TENM2: variants seen among roughly 807,000 people sequenced by gnomAD.
TENM2 encodes teneurin-2.
In TENM2, 52 loss-of-function variants were observed where a neutral mutation model predicts 245.2. The ratio of observed to expected loss-of-function variants is 0.21; its 90% CI spans 0.17 to 0.27. The LOEUF (loss-of-function observed/expected upper bound fraction) is 0.27, where lower values mean the gene tolerates loss of function less well. TENM2 is among the 10% of genes least tolerant of loss of function. The probability of loss-of-function intolerance (pLI) is 1.00; values close to 1 mark genes in which losing one functional copy is unlikely to be tolerated. For missense variants in TENM2, 3,046 were observed against 3,666.8 expected, an observed-to-expected ratio of 0.83 and a Z score of 4.37; for synonymous variants, 1,363 against 1,438.9, an observed-to-expected ratio of 0.95 and a Z score of 1.19.
chr5:167,242,107 T>C, the TENM2 span, among the ~76,000 whole-genome samples: 1 of 150,608 alleles, frequency 6.6e-6, no homozygotes, highest in African/African-American at 2.5e-5. Flanking sequence ...TGCAGTGCAG[T>C]GGCATGATCT....
Position 167,659,354 on chromosome 5 carries a change from T to C in TENM2, c.503-216632T>C. Among the ~76,000 whole-genome samples, 2 of 152,198 alleles carry C rather than the reference T, an allele frequency of 1.3e-5. 1 individual carries two copies. The highest frequency in any genetic ancestry group is 3.8e-4 in the East Asian group (2 of 5,202). On this transcript the variant is annotated intron_variant, in intron 2 of 28. Coordinates refer to ENST00000518659, the Ensembl canonical transcript of TENM2. ...GCAAGGAAGCATTCCACATGTCCTT[T>C]ACAAAACATGAAATACACTTTCAAT... is the stretch of plus-strand genomic sequence containing the variant.
intron 2 of TENM2, among the ~76,000 whole-genome samples, chr5:167,589,549 A>G (rs933784504): frequency 6.6e-6 from 1 of 152,144 alleles, no homozygotes; most frequent in African/African-American, 2.4e-5. Context: ...AGAAATTAGC[A>G]TATTTTAAAA....
chr5:167,869,943 C>G (rs1772672266), intron 2 of TENM2, among the ~76,000 whole-genome samples: 1 of 151,868 alleles, frequency 6.6e-6, no homozygotes, highest in Non-Finnish European at 1.5e-5. Context: ...CTTTTTGACC[C>G]CTTCAAAAAT....
intron 5 of TENM2, among the ~76,000 whole-genome samples, chr5:168,004,517 GCACACACACACACACA>G (rs550787443): frequency 2.7e-4 from 36 of 132,152 alleles, no homozygotes; most frequent in Non-Finnish European, 4.7e-4. Context: ...GCGCGCGCGC[GCACACACACACACACA>G]CACACACACA....
Position 168,032,554 on chromosome 5 carries a change from C to T in TENM2, c.1187-14873C>T, listed in dbSNP as rs575621916. On this transcript the variant is annotated intron_variant, in intron 5 of 28. Transcript: ENST00000518659. ...ATTGCCCTGGAATAAGGCAGGAAACCTCAAAGCGAGAAGGACCGATCCCAT... is the reference window on the plus strand; with the variant it reads ...ATTGCCCTGGAATAAGGCAGGAAACTTCAAAGCGAGAAGGACCGATCCCAT... Among the ~76,000 whole-genome samples, 18 of 152,248 alleles carry T rather than the reference C, an allele frequency of 1.2e-4. No homozygotes were observed. In the South Asian group the frequency reaches 3.3e-3, roughly 28 times the overall value.
chr5:167,460,965 A>C (rs1453845833), intron 2 of TENM2, among the ~76,000 whole-genome samples: 1 of 152,242 alleles, frequency 6.6e-6, no homozygotes, highest in Non-Finnish European at 1.5e-5. Flanking sequence ...CTTTGGTTTC[A>C]AACCACAAAT....
At chr5:168,102,686 A>G (rs1433699866) in intron 9 of TENM2, among the ~76,000 whole-genome samples, 4 of 152,240 alleles carry the variant, frequency 2.6e-5, no homozygotes, top group Non-Finnish European at 5.9e-5. Context: ...ACACAAGCAC[A>G]CAGGTTTAAC....
intron 2 of TENM2, among the ~76,000 whole-genome samples, chr5:167,394,632 CACCCAGGCTGGA>C (rs1471112467): frequency 1.3e-5 from 2 of 152,194 alleles, no homozygotes; most frequent in African/African-American, 4.8e-5. Flanking sequence ...CTCACTCTGT[CACCCAGGCTGGA>C]GCGCAGTGGT....
At chr5:167,940,489 G>A (rs957717871) in intron 3 of TENM2, among the ~76,000 whole-genome samples, 2 of 152,262 alleles carry the variant, frequency 1.3e-5, no homozygotes, top group Middle Eastern at 3.4e-3. Flanking sequence ...ATGCTGTCTC[G>A]GAAGGCAGGT....
intron 2 of TENM2, among the ~76,000 whole-genome samples, chr5:167,714,978 G>C (rs987658715): frequency 4.6e-4 from 70 of 152,060 alleles, no homozygotes; most frequent in African/African-American, 1.6e-3. Flanking sequence ...TTCTTTTTAG[G>C]TTCTTTAAAT....
intron 2 of TENM2, among the ~76,000 whole-genome samples, chr5:167,757,699 C>T (rs1471621073): frequency 6.6e-6 from 1 of 152,148 alleles, no homozygotes; most frequent in East Asian, 1.9e-4. Context: ...CTAATTTACA[C>T]TCCCACCAAC....
the TENM2 span, among the ~76,000 whole-genome samples, chr5:167,122,522 T>C: frequency 1.6e-4 from 24 of 152,208 alleles, no homozygotes; most frequent in African/African-American, 5.5e-4. Context: ...AATGACAGCT[T>C]ATGAACCTAA....
chr5:167,368,203 G>C (rs1728328495), intron 1 of TENM2, among the ~76,000 whole-genome samples: 1 of 151,914 alleles, frequency 6.6e-6, no homozygotes, highest in Non-Finnish European at 1.5e-5. Context: ...ATTTCAGTTT[G>C]TTTAATTTCA....
intron 2 of TENM2, among the ~76,000 whole-genome samples, chr5:167,745,972 C>T (rs1050665529): frequency 6.6e-6 from 1 of 152,148 alleles, no homozygotes; most frequent in Admixed American, 6.6e-5. Context: ...GATGTATGCT[C>T]TAATAAGCTT....
the TENM2 span, among the ~76,000 whole-genome samples, chr5:167,024,602 G>T: frequency 2.6e-5 from 4 of 152,270 alleles, no homozygotes; most frequent in South Asian, 8.3e-4. Flanking sequence ...AGCCATCCAT[G>T]TAGGGATCTG....
chr5:167,911,244 G>A (rs1583343114), intron 3 of TENM2, among the ~76,000 whole-genome samples: 1 of 152,202 alleles, frequency 6.6e-6, no homozygotes, highest in African/African-American at 2.4e-5. Flanking sequence ...AGAAACTCAA[G>A]GGCCGGGCAC....
the TENM2 span, among the ~76,000 whole-genome samples, chr5:167,217,777 AAG>A: frequency 1.3e-5 from 2 of 150,384 alleles, no homozygotes; most frequent in Middle Eastern, 3.6e-3. Context: ...ATATAAAAGA[AAG>A]AGAGGTGAGT....
intron 2 of TENM2, among the ~76,000 whole-genome samples, chr5:167,429,429 T>C (rs1000447712): frequency 1.1e-4 from 16 of 152,192 alleles, no homozygotes; most frequent in African/African-American, 3.9e-4. Context: ...CAGACATCCG[T>C]GTAAACAAGC....
intron 5 of TENM2, among the ~76,000 whole-genome samples, chr5:167,996,225 G>A (rs1414854465): frequency 6.6e-6 from 1 of 152,102 alleles, no homozygotes; most frequent in Non-Finnish European, 1.5e-5. Context: ...TGCCAGCCCT[G>A]TGCAAACTAG....
Sources: gnomAD v4.1 joint callset for allele counts (sites outside exome capture counted in the v4.1 genomes callset) on GRCh38, gnomAD v4.1.1 for gene constraint, MANE v1.5 for transcripts, NCBI Gene and HGNC (gene_info 2026-07-23, HGNC 2026-07-21) for gene names.